GPS1: variants seen among roughly 807,000 people sequenced by gnomAD.
GPS1 encodes COP9 signalosome complex subunit 1.
In GPS1, 11 loss-of-function variants were observed where a neutral mutation model predicts 60.0. The observed-to-expected ratio is 0.18, with a 90% CI of 0.12 to 0.30. The LOEUF (loss-of-function observed/expected upper bound fraction) is 0.30. GPS1 is among the 10% of genes least tolerant of loss of function. The probability of loss-of-function intolerance (pLI) is 1.00; values close to 1 mark genes in which losing one functional copy is unlikely to be tolerated. For missense variants in GPS1, 543 were observed against 669.2 expected, an observed-to-expected ratio of 0.81 and a Z score of 2.08; for synonymous variants, 343 against 269.8, an observed-to-expected ratio of 1.27 and a Z score of -2.66.
At chr17:82,053,839 G>C in intron 2 of GPS1, 29 bp from the exon 3 acceptor site, 2 of 1,588,736 alleles carry the variant, frequency 1.3e-6, no homozygotes, top group South Asian at 1.1e-5. Context: ...CTCCCATCCT[G>C]CCTGACTCTT....
At chr17:82,052,599 T>A in intron 1 of GPS1, 1 of 1,047,476 alleles carries the variant, frequency 9.5e-7, no homozygotes, top group Non-Finnish European at 1.3e-6. Context: ...GGAGCCCCGG[T>A]GGGCCCGGGG....
chr17:82,056,024 C>A lies in GPS1; in HGVS notation c.858C>A (p.Ala286=), dbSNP rs182919222. Residue 286 remains alanine (A), a synonymous_variant, in exon 8 of 13, where the codon GCC becomes GCA. Coordinates refer to ENST00000578552, the MANE Select transcript of GPS1 (RefSeq NM_001321092.3). Reference sequence around the variant, plus strand: ...AGCTGCTGTCCCCCAGCAACGTGGCCATCTACGGTGGCCTGTGCGCCTTGG... The same window carrying A: ...AGCTGCTGTCCCCCAGCAACGTGGCAATCTACGGTGGCCTGTGCGCCTTGG... ...FPELLSPSNV[A]IYGGLCALAT... is the part of the protein sequence containing the mutation. 8.7e-6 allele frequency: 14 copies of A among 1,612,512 alleles called. No homozygotes were observed. The highest frequency in any genetic ancestry group is 1.0e-5 in the Non-Finnish European group (12 of 1,179,656).
chr17:82,055,613 G>C, intron 6 of GPS1, 127 bp from the exon 7 acceptor site: 1 of 664,610 alleles, frequency 1.5e-6, no homozygotes, highest in South Asian at 1.8e-5. Context: ...AACAGCTCCC[G>C]GGGCAGGAGA....
chr17:82,051,969 C>A lies in GPS1; in HGVS notation c.33+5C>A. 8.6e-7 allele frequency: 1 copy of A among 1,160,970 alleles called. No individual in the cohort carries two copies. The highest frequency in any genetic ancestry group is 4.7e-5 in the Admixed American group (1 of 21,092). The allele number at this position is 1,160,970 out of a possible 1,614,324, so 71.9% of individuals were successfully genotyped here. ...GTTCAGGTGTTTAACTTGCAGGTAA[C>A]GAGCCGAGGCCGCCCCGGGCCTCCG... On this transcript the variant is annotated splice_donor_5th_base_variant and intron_variant, in intron 1 of 12. Coordinates refer to ENST00000578552, the MANE Select transcript of GPS1 (RefSeq NM_001321092.3). This position sits in a 1 kb window ranked among gnomAD's most constrained non-coding sequence, Gnocchi z 4.1.
chr17:82,052,935 G>A (rs2031324925), intron 1 of GPS1: 1 of 255,712 alleles, frequency 3.9e-6, no homozygotes, highest in Admixed American at 5.0e-5. Context: ...CAGGATGGTG[G>A]CTGGGAACGT....
chr17:82,051,432 G>T, upstream of GPS1: 2 of 1,346,856 alleles, frequency 1.5e-6, no homozygotes, highest in Non-Finnish European at 1.9e-6. The surrounding 1 kb of genome is among the most constrained non-coding windows in gnomAD (Gnocchi z 4.1). Context: ...GGCCTGGGCC[G>T]GGCCTAGACC....
In GPS1 at chr17:82,055,066, C is replaced by G. The variant is rs770338123; in HGVS notation, c.687+91C>G. ...TCCCCCACCTCATTCTCCCCCAGAT[C>G]TGAATCTGCCTTCATCCCCTCTCAG... On this transcript the variant is annotated intron_variant, in intron 5 of 12. Coordinates refer to ENST00000578552, the MANE Select transcript of GPS1 (RefSeq NM_001321092.3). The G allele has an allele frequency of 2.5e-6, 4 of 1,582,138 alleles. No individual in the cohort carries two copies. In the Admixed American group the frequency reaches 7.1e-5, roughly 28 times the overall value.
At chr17:82,054,130 C>G in intron 3 of GPS1, 81 bp downstream of exon 3, 1 of 1,425,378 alleles carries the variant, frequency 7.0e-7, no homozygotes, top group Non-Finnish European at 9.4e-7. Flanking sequence ...CTTCCTGTGC[C>G]CTGCATCTCC....
In GPS1 at chr17:82,056,853, G is replaced by A. The variant is rs760967728; in HGVS notation, c.1268G>A (p.Arg423Gln). ...GTGCCTGCACAGATCCTATACGCCC[G>A]GGACGTGGATCAGCGCAGCACCACC... The part of the protein sequence containing the change: ...VDSHSKILYA[R>Q]DVDQRSTTFE... Residue 423 changes from arginine (R) to glutamine (Q), a missense_variant, in exon 12 of 13, where the codon CGG becomes CAG. Around this residue, in one of 3 missense-constraint regions of GPS1, gnomAD observed 291 missense variants for 353.7 expected, o/e 0.82. Coordinates refer to ENST00000578552, the MANE Select transcript of GPS1 (RefSeq NM_001321092.3). 11 of 1,612,552 alleles carry A rather than the reference G, an allele frequency of 6.8e-6. No homozygotes were observed. Among genetic ancestry groups the A allele is most frequent in the Non-Finnish European group, 8.5e-6 (10 of 1,179,892 alleles).
chr17:82,053,150 G>A (rs887864491), intron 1 of GPS1, 124 bp from the exon 2 acceptor site: 8 of 661,326 alleles, frequency 1.2e-5, no homozygotes, highest in African/African-American at 1.9e-5. Context: ...CAGCAGCGGC[G>A]GGAGTGTGGT....
chr17:82,055,320 A>G (rs1189644867), intron 6 of GPS1, 98 bp downstream of exon 6: 8 of 1,242,550 alleles, frequency 6.4e-6, no homozygotes, highest in East Asian at 2.5e-5. Flanking sequence ...AGCCAGGGAA[A>G]ACTTCCCTGG....
upstream of GPS1, chr17:82,051,389 G>A (rs1249096831): frequency 2.8e-6 from 4 of 1,429,876 alleles, no homozygotes; most frequent in African/African-American, 4.5e-5. The surrounding 1 kb of genome is among the most constrained non-coding windows in gnomAD (Gnocchi z 4.1). Context: ...TGCCCAGGCC[G>A]GAGACCGACC....
intron 2 of GPS1, chr17:82,053,587 T>G (rs991786888): frequency 3.8e-6 from 2 of 522,102 alleles, no homozygotes; most frequent in African/African-American, 3.9e-5. Flanking sequence ...GCAGGTCTCC[T>G]CCCCGCTCAG....
chr17:82,052,114 CT>C, intron 1 of GPS1, 150 bp downstream of exon 1: 12 of 862,242 alleles, frequency 1.4e-5, no homozygotes, highest in Non-Finnish European at 1.8e-5. Context: ...GCGTCGGGGG[CT>C]GCAGGGCCGA....
upstream of GPS1, chr17:82,051,555 T>C: frequency 7.2e-7 from 1 of 1,394,550 alleles, no homozygotes; most frequent in Non-Finnish European, 9.3e-7. This position sits in a 1 kb window ranked among gnomAD's most constrained non-coding sequence, Gnocchi z 4.1. Context: ...GCGCGGCCCG[T>C]GGTTCTTCCG....
chr17:82,051,372 G>A (rs1028595259), upstream of GPS1: 14 of 1,453,722 alleles, frequency 9.6e-6, no homozygotes, highest in African/African-American at 3.0e-5. The surrounding 1 kb of genome is among the most constrained non-coding windows in gnomAD (Gnocchi z 4.1). Flanking sequence ...TGAGGCTTCT[G>A]GGGCGCTGCC....
At chr17:82,051,279 G>A (rs554307013), upstream of GPS1, 33 of 1,370,020 alleles carry the variant, frequency 2.4e-5, no homozygotes, top group Admixed American at 3.4e-5. The surrounding 1 kb of genome is among the most constrained non-coding windows in gnomAD (Gnocchi z 4.1). Flanking sequence ...GCGCCGGGGA[G>A]TGGGGGACAC....
intron 2 of GPS1, 115 bp from the exon 3 acceptor site, chr17:82,053,753 G>A (rs182750755): frequency 9.5e-7 from 1 of 1,049,630 alleles, no homozygotes; most frequent in East Asian, 2.6e-5. Flanking sequence ...TTCTGGTTAT[G>A]GGCCCAGGGC....
intron 5 of GPS1, 31 bp downstream of exon 5, chr17:82,055,006 C>A: frequency 6.2e-7 from 1 of 1,612,536 alleles, no homozygotes; most frequent in Non-Finnish European, 8.5e-7. Flanking sequence ...GACCTTGCCC[C>A]CAGGATTCCT....
Sources: gnomAD v4.1 joint callset for allele counts on GRCh38, gnomAD v4.1.1 for gene constraint, gnomAD v4.1.1 regional missense constraint, Gnocchi (gnomAD v3.1) non-coding constraint, MANE v1.5 for transcripts, NCBI Gene and HGNC (gene_info 2026-07-23, HGNC 2026-07-21) for gene names.